ABR: variants seen among roughly 807,000 people sequenced by gnomAD.
ABR encodes the protein ABR activator of RhoGEF and GTPase.
Under a neutral mutation model 107.2 loss-of-function variants are expected in ABR, and 35 were observed. The observed-to-expected ratio is 0.33, with a 90% confidence interval of 0.25 to 0.43. The LOEUF (loss-of-function observed/expected upper bound fraction) is 0.43, where lower values mean the gene tolerates loss of function less well. Ranked by LOEUF, ABR falls within the 20% of genes least tolerant of loss-of-function variation. The pLI is 1.00. For missense variants in ABR, 815 were observed against 1,115.2 expected, an observed-to-expected ratio of 0.73 and a Z score of 3.83; for synonymous variants, 498 against 462.0, an observed-to-expected ratio of 1.08 and a Z score of -1.00.
chr17:1,089,205 C>T (rs1320268971), intron 4 of ABR, among the ~76,000 whole-genome samples: 1 of 151,214 alleles, frequency 6.6e-6, no homozygotes, highest in East Asian at 2.0e-4. Flanking sequence ...CAGGCCTATT[C>T]TATTTCTTTG....
In ABR at chr17:1,079,312, G is replaced by GCACCTA. The variant is rs1344113615; in HGVS notation, c.700+17_700+18insTAGGTG. ...GACAAAGGTAGGTGCCTGTAATCCA[G>GCACCTA]CCCGCTCCCCGAGGTACCTTCCATG... On this transcript the variant is annotated intron_variant, in intron 6 of 22. Transcript: ENST00000302538. 1.2e-6 allele frequency: 2 copies of GCACCTA among 1,611,758 alleles called. No homozygotes were observed. The highest frequency in any genetic ancestry group is 2.2e-5 in the South Asian group (2 of 90,630).
At chr17:1,193,054 A>G in intron 1 of ABR, among the ~76,000 whole-genome samples, 1 of 152,314 alleles carries the variant, frequency 6.6e-6, no homozygotes, top group East Asian at 1.9e-4. Flanking sequence ...ATCTCAAAAC[A>G]AAAAACAAAA....
chr17:1,198,129 A>G (rs987161969), intron 1 of ABR, among the ~76,000 whole-genome samples: 3 of 151,624 alleles, frequency 2.0e-5, no homozygotes, highest in African/African-American at 7.3e-5. Context: ...AGAAATGAGG[A>G]AGCTGCCACA....
chr17:1,008,148 A>G (rs2070213929), intron 21 of ABR, among the ~76,000 whole-genome samples: 1 of 152,046 alleles, frequency 6.6e-6, no homozygotes, highest in Admixed American at 6.5e-5. Context: ...TGCTTCTCTT[A>G]CTCAACAGGC....
intron 2 of ABR, among the ~76,000 whole-genome samples, chr17:1,124,401 C>G (rs912275594): frequency 6.6e-6 from 1 of 152,152 alleles, no homozygotes; most frequent in Non-Finnish European, 1.5e-5. Flanking sequence ...GCAACACACA[C>G]CCCCCACAGA....
intron 1 of ABR, among the ~76,000 whole-genome samples, chr17:1,193,088 C>T (rs550467601): frequency 8.5e-5 from 13 of 152,188 alleles, no homozygotes; most frequent in Admixed American, 4.6e-4. Flanking sequence ...TGCACAGAGG[C>T]AGACGTGGAA....
upstream of ABR, among the ~76,000 whole-genome samples, chr17:1,184,433 GA>G (rs2042229714): frequency 2.0e-5 from 3 of 151,932 alleles, no homozygotes; most frequent in Admixed American, 6.6e-5. Flanking sequence ...CCAGCCTGGG[GA>G]CAGAGCAAGA....
chr17:1,208,643 C>T (rs1257686381), intron 1 of ABR, among the ~76,000 whole-genome samples: 2 of 152,202 alleles, frequency 1.3e-5, no homozygotes, highest in Non-Finnish European at 2.9e-5. Flanking sequence ...TATCCCAGCA[C>T]TTTGGGAGGC....
rs748696872 is a variant in ABR at position 1,105,003 on chromosome 17, CTT to C, written c.247-4270_247-4269del. On this transcript the variant is annotated intron_variant, in intron 2 of 22. Coordinates refer to ENST00000302538, the MANE Select transcript of ABR (RefSeq NM_021962.5). ...TACTCAATATTGTTCTTTACAGTAA[CTT>C]TTTTTTTTTTTTTTTTTTTTTGAGA... is the stretch of plus-strand genomic sequence containing the variant. Among the ~76,000 whole-genome samples, 1,033 of 125,644 alleles carry C rather than the reference CTT, an allele frequency of 8.2e-3. 6 individuals carry two copies. Among genetic ancestry groups the C allele is most frequent in the African/African-American group, 0.03 (952 of 31,480 alleles). 82.4% of individuals were successfully genotyped at this position (125,644 alleles called of 152,430 possible).
chr17:1,109,235 C>T, intron 2 of ABR: 4 of 689,468 alleles, frequency 5.8e-6, no homozygotes, highest in Middle Eastern at 4.9e-4. Context: ...CAGCCCGCTC[C>T]GCCGCCGCCG....
At position 1,071,853 on chromosome 17, in the gene ABR, C is replaced by T. The variant is rs891648761; in HGVS notation, c.894+761G>A. On this transcript the variant is annotated intron_variant, in intron 8 of 22. Transcript: ENST00000302538. This position sits in a 1 kb window ranked among gnomAD's most constrained non-coding sequence, Gnocchi z 5.1. ...TCTGACACCAGTGGCTGAAAGACTGCGTGGTGGACCTGGAGAGACTCCCCA... is the reference window on the plus strand; with the variant it reads ...TCTGACACCAGTGGCTGAAAGACTGTGTGGTGGACCTGGAGAGACTCCCCA... 1.3e-5 allele frequency among the ~76,000 whole-genome samples: 2 copies of T among 152,254 alleles called. No homozygotes were observed. The highest frequency in any genetic ancestry group is 3.8e-4 in the East Asian group (2 of 5,202).
At chr17:1,129,675 G>A (rs1309356638) in intron 1 of ABR, among the ~76,000 whole-genome samples, 3 of 151,808 alleles carry the variant, frequency 2.0e-5, no homozygotes, top group East Asian at 2.0e-4. Context: ...TGGGCTGAAC[G>A]CGGTGGCTCA....
intron 16 of ABR, among the ~76,000 whole-genome samples, chr17:1,029,196 C>T (rs547840584): frequency 6.6e-6 from 1 of 152,006 alleles, no homozygotes. Context: ...AACCCAGATG[C>T]CACGTGTCTC....
intron 10 of ABR, among the ~76,000 whole-genome samples, chr17:1,063,968 C>T (rs2034365753): frequency 6.8e-6 from 1 of 147,800 alleles, no homozygotes; most frequent in Non-Finnish European, 1.5e-5. Context: ...GAGGGCTATG[C>T]ATGTTCCTCT....
At chr17:1,066,737 C>T (rs2034782915) in intron 10 of ABR, among the ~76,000 whole-genome samples, 1 of 152,140 alleles carries the variant, frequency 6.6e-6, no homozygotes, top group Non-Finnish European at 1.5e-5. Flanking sequence ...CCATGTTGGC[C>T]AGGCTGGTCT....
intron 1 of ABR, among the ~76,000 whole-genome samples, chr17:1,173,220 T>A (rs368032612): frequency 1.1e-4 from 1 of 8,988 alleles, no homozygotes; most frequent in African/African-American, 4.8e-4. Context: ...CTCAGTCCAC[T>A]CAACACATCA....
intron 1 of ABR, among the ~76,000 whole-genome samples, chr17:1,132,878 GATA>G (rs1391835232): frequency 6.6e-6 from 1 of 152,126 alleles, no homozygotes; most frequent in Non-Finnish European, 1.5e-5. Flanking sequence ...AGGATTTTAA[GATA>G]ATAATAACAA....
At chr17:1,111,587 C>T (rs1321930569) in intron 2 of ABR, among the ~76,000 whole-genome samples, 1 of 152,198 alleles carries the variant, frequency 6.6e-6, no homozygotes, top group Non-Finnish European at 1.5e-5. Context: ...AAGCCAGAGG[C>T]CTCCCTCTCC....
In ABR at chr17:1,101,891, G is replaced by A. The variant is rs529673676; in HGVS notation, c.247-1156C>T. On this transcript the variant is annotated intron_variant, in intron 2 of 22. Transcript: ENST00000302538. ...TGGGACTACAGGCTCCCGCCACCACGCCCAGCTAACTTTTTGTATTTTTAG... is the reference window on the plus strand; with the variant it reads ...TGGGACTACAGGCTCCCGCCACCACACCCAGCTAACTTTTTGTATTTTTAG... Among the ~76,000 whole-genome samples the A allele has an allele frequency of 5.4e-4, 82 of 152,094 alleles. No individual in the cohort carries two copies. The Middle Eastern group carries it at 0.014, about 25-fold the overall frequency.
Sources: gnomAD v4.1 joint callset for allele counts (sites outside exome capture counted in the v4.1 genomes callset) on GRCh38, gnomAD v4.1.1 for gene constraint, Gnocchi (gnomAD v3.1) non-coding constraint, MANE v1.5 for transcripts, NCBI Gene and HGNC (gene_info 2026-07-23, HGNC 2026-07-21) for gene names.